RTF2: variants seen among roughly 807,000 people sequenced by gnomAD.
RTF2 encodes UPF0549 protein C20orf43.
A neutral mutation model predicts 38.0 loss-of-function variants in RTF2; 18 were observed. The observed-to-expected ratio is 0.47, with a 90% confidence interval of 0.33 to 0.70. RTF2 has a LOEUF of 0.70. Ranked by LOEUF, RTF2 falls within the 30% of genes least tolerant of loss-of-function variation. The probability of loss-of-function intolerance (pLI) is 0.02; values close to 1 mark genes in which losing one functional copy is unlikely to be tolerated. For missense variants in RTF2, 311 were observed against 379.6 expected (o/e 0.82, Z 1.50); for synonymous variants, 126 against 137.1 (o/e 0.92, Z 0.57).
In RTF2 at chr20:56,518,135, C is replaced by G; in HGVS notation, c.791C>G (p.Ala264Gly). The G allele has an allele frequency of 6.2e-7, 1 of 1,614,070 alleles. No homozygotes were observed. Among genetic ancestry groups the G allele is most frequent in the African/African-American group, 1.3e-5 (1 of 75,060 alleles). Reference sequence around the variant, plus strand: ...AAAGCTGGGAAGCCTCCGTGTGGAGCCACAAAGAGGTCCATCGCTGACAGT... The same window carrying G: ...AAAGCTGGGAAGCCTCCGTGTGGAGGCACAAAGAGGTCCATCGCTGACAGT... ...SGKAGKPPCG[A>G]TKRSIADSEE... Residue 264 changes from alanine (A) to glycine (G), a missense_variant, in exon 9 of 9, where the codon GCC becomes GGC. Transcript: ENST00000357348.
chr20:56,468,712 G>T lies in RTF2; in HGVS notation c.15G>T (p.Gly5=). The change falls in exon 1 of 9, where the codon GGG becomes GGT. Residue 5 remains glycine (G), a synonymous_variant. Transcript: ENST00000357348. MGCD[G]GTIPKRHELV... The stretch of plus-strand genomic sequence containing the variant: ...CCCGTCCTGCGATGGGTTGCGACGG[G>T]GGAACAATCCCCAAGAGGCATGAAC... 2 of 1,586,438 alleles carry T rather than the reference G, an allele frequency of 1.3e-6. No individual in the cohort carries two copies. The highest frequency in any genetic ancestry group is 2.7e-5 in the African/African-American group (2 of 74,382).
At chr20:56,482,774 T>C (rs147340961) in intron 4 of RTF2, among the ~76,000 whole-genome samples, 217 of 152,322 alleles carry the variant, frequency 1.4e-3, no homozygotes, top group African/African-American at 5.1e-3. Flanking sequence ...TCCTTTGGCA[T>C]TTTTCAAGGA....
At chr20:56,491,579 A>C (rs1983133278) in intron 5 of RTF2, 3 of 1,550,700 alleles carry the variant, frequency 1.9e-6, no homozygotes, top group East Asian at 2.4e-5. Flanking sequence ...TCTCATATTG[A>C]AATGACTCTG....
At position 56,500,827 on chromosome 20, in the gene RTF2, G is replaced by T. The variant is rs189151254; in HGVS notation, c.478-12488G>T. Among the ~76,000 whole-genome samples the T allele has an allele frequency of 4.6e-5, 7 of 152,196 alleles. No homozygotes were observed. The East Asian group carries it at 1.4e-3, about 29-fold the overall frequency. ...ACAAGGCCTCACTCTTATCACTCAG[G>T]CTGGAGTGCAGTGGTGTGATCATGG... On this transcript the variant is annotated intron_variant, in intron 5 of 8. Transcript: ENST00000357348.
chr20:56,501,643 A>G (rs959280595), intron 5 of RTF2, among the ~76,000 whole-genome samples: 2 of 152,134 alleles, frequency 1.3e-5, no homozygotes, highest in Non-Finnish European at 2.9e-5. Flanking sequence ...ACAGTTTCTA[A>G]AATTTGGGGG....
At chr20:56,477,347 T>A (rs1269815242) in intron 4 of RTF2, among the ~76,000 whole-genome samples, 6 of 151,988 alleles carry the variant, frequency 3.9e-5, no homozygotes, top group Non-Finnish European at 5.9e-5. Flanking sequence ...GGCCTTCCGT[T>A]CTTGAGGTGG....
chr20:56,479,524 CA>C (rs1757530421), intron 4 of RTF2, among the ~76,000 whole-genome samples: 1 of 152,184 alleles, frequency 6.6e-6, no homozygotes, highest in Non-Finnish European at 1.5e-5. Flanking sequence ...CACAGCGGGC[CA>C]AATCACAGAT....
intron 5 of RTF2, among the ~76,000 whole-genome samples, chr20:56,504,639 T>A (rs1036718672): frequency 5.3e-5 from 8 of 152,208 alleles, no homozygotes; most frequent in Admixed American, 2.0e-4. Flanking sequence ...TCGCTAGGCT[T>A]TCCTCTTCCC....
chr20:56,473,213 G>A, intron 1 of RTF2, 88 bp from the exon 2 acceptor site: 1 of 929,544 alleles, frequency 1.1e-6, no homozygotes, highest in Non-Finnish European at 1.7e-6. Context: ...TTACAGTGCG[G>A]TATTACTGAA....
At chr20:56,511,548 C>G (rs1250816084) in intron 5 of RTF2, among the ~76,000 whole-genome samples, 1 of 152,162 alleles carries the variant, frequency 6.6e-6, no homozygotes, top group Non-Finnish European at 1.5e-5. Flanking sequence ...AATTATTCTT[C>G]TTTCCTTTTT....
chr20:56,484,137 G>T lies in RTF2; in HGVS notation c.425G>T (p.Cys142Phe), dbSNP rs1568695589. The change falls in exon 5 of 9, where the codon TGT (cysteine) becomes TTT (phenylalanine). Residue 142 changes from cysteine to phenylalanine, a missense_variant. Transcript: ENST00000357348. Reference protein sequence around the residue: ...HRFCFLRCCGCVFSERALKEI... With the variant: ...HRFCFLRCCGFVFSERALKEI... The stretch of plus-strand genomic sequence containing the variant: ...TTCTGCTTCCTTCGGTGCTGCGGCT[G>T]TGTGTTTTCTGAGCGAGCCTTGAAA... The T allele has an allele frequency of 6.2e-7, 1 of 1,614,156 alleles. No homozygotes were observed. The highest frequency in any genetic ancestry group is 2.2e-5 in the East Asian group (1 of 44,880).
intron 7 of RTF2, 31 bp downstream of exon 7, chr20:56,517,020 C>G: frequency 6.2e-7 from 1 of 1,609,686 alleles, no homozygotes. Context: ...CTTATTTTAG[C>G]AAAATGCGAC....
chr20:56,483,104 G>C (rs1982608824), intron 4 of RTF2, among the ~76,000 whole-genome samples: 1 of 152,048 alleles, frequency 6.6e-6, no homozygotes, highest in African/African-American at 2.4e-5. Flanking sequence ...TTTCCCTACT[G>C]AGGAACATGT....
chr20:56,506,628 G>A (rs924747600), intron 5 of RTF2, among the ~76,000 whole-genome samples: 6 of 152,024 alleles, frequency 3.9e-5, no homozygotes, highest in African/African-American at 7.2e-5. Flanking sequence ...TTGCTTTTTC[G>A]TTTAACTTAT....
chr20:56,481,343 GT>G (rs1207308161), intron 4 of RTF2, among the ~76,000 whole-genome samples: 11 of 152,238 alleles, frequency 7.2e-5, no homozygotes, highest in Admixed American at 7.2e-4. Context: ...CGTGTTGCGT[GT>G]GGCAGACTGT....
chr20:56,489,631 A>C lies in RTF2; in HGVS notation c.477+5442A>C, dbSNP rs374187424. Among the ~76,000 whole-genome samples the C allele has an allele frequency of 2.0e-5, 3 of 151,962 alleles. No individual in the cohort carries two copies. The East Asian group carries it at 5.8e-4, about 29-fold the overall frequency. ...CAGCCATTCTTCTGAGCACTTCCCC[A>C]CCCAGGAGCACCCATGTCCTCCTAA... On this transcript the variant is annotated intron_variant, in intron 5 of 8. Transcript: ENST00000357348.
rs144995597 is a variant in RTF2 at position 56,518,127 on chromosome 20, G to A, written c.783G>A (p.Pro261=). Residue 261 remains proline (P), a synonymous_variant, in exon 9 of 9, where the codon CCG becomes CCA. Transcript: ENST00000357348. Reference sequence around the variant, plus strand: ...CTTCTGGAAAAGCTGGGAAGCCTCCGTGTGGAGCCACAAAGAGGTCCATCG... The same window carrying A: ...CTTCTGGAAAAGCTGGGAAGCCTCCATGTGGAGCCACAAAGAGGTCCATCG... The part of the protein sequence containing the change: ...ESSSGKAGKP[P]CGATKRSIAD... 7.7e-5 allele frequency: 124 copies of A among 1,613,862 alleles called. No homozygotes were observed. The highest frequency in any genetic ancestry group is 9.6e-5 in the Non-Finnish European group (113 of 1,179,952).
chr20:56,483,439 C>T (rs1982625690), intron 4 of RTF2, among the ~76,000 whole-genome samples: 2 of 151,996 alleles, frequency 1.3e-5, no homozygotes, highest in Admixed American at 6.6e-5. Context: ...CCTCCCACCT[C>T]AGCCTCCCTA....
intron 5 of RTF2, among the ~76,000 whole-genome samples, chr20:56,512,146 C>T (rs1027363319): frequency 6.6e-6 from 1 of 152,150 alleles, no homozygotes; most frequent in African/African-American, 2.4e-5. Context: ...CGCGCCCAGT[C>T]TTAGACCCCT....
Sources: gnomAD v4.1 joint callset for allele counts (sites outside exome capture counted in the v4.1 genomes callset) on GRCh38, gnomAD v4.1.1 for gene constraint, MANE v1.5 for transcripts, NCBI Gene and HGNC (gene_info 2026-07-23, HGNC 2026-07-21) for gene names.